CCDC18: variants seen among roughly 807,000 people sequenced by gnomAD.
CCDC18 encodes the protein coiled-coil domain-containing protein 18.
CCDC18 carries 157 observed loss-of-function variants against 196.0 expected under a neutral mutation model. The ratio of observed to expected loss-of-function variants is 0.80; its 90% CI spans 0.70 to 0.91. CCDC18 has a LOEUF of 0.91. Among genes scored for constraint, CCDC18 ranks in the 40% least tolerant of loss-of-function variants. CCDC18 has a pLI of 0.00. For missense variants in CCDC18, 1,465 were observed against 1,611.6 expected (o/e 0.91, Z 1.56); for synonymous variants, 482 against 529.2 (o/e 0.91, Z 1.22).
chr1:93,278,456 A>G lies in CCDC18; in HGVS notation c.4354-7A>G. 8.4e-7 allele frequency: 1 copy of G among 1,193,858 alleles called. No individual in the cohort carries two copies. Among genetic ancestry groups the G allele is most frequent in the Non-Finnish European group, 1.2e-6 (1 of 868,466 alleles). The allele number at this position is 1,193,858 out of a possible 1,614,324, so 74.0% of individuals were successfully genotyped here. A position where few individuals can be genotyped will look rare whatever the true frequency, so the allele number is the denominator to read the frequency against. On this transcript the variant is annotated splice_polypyrimidine_tract_variant and splice_region_variant and intron_variant, in intron 28 of 28. Transcript: ENST00000690025. ...AAATATTAATCTATTATTTTGCATT[A>G]TTCTAGGGAGAAAATGTGTAATTCA... is the stretch of plus-strand genomic sequence containing the variant.
At chr1:93,212,420 AC>A (rs1411316708) in intron 11 of CCDC18, among the ~76,000 whole-genome samples, 159 bp downstream of exon 11, 1 of 152,012 alleles carries the variant, frequency 6.6e-6, no homozygotes, top group Non-Finnish European at 1.5e-5. Context: ...GGTTTGTTTT[AC>A]AGATTATTTC....
At chr1:93,227,379 G>C (rs889516902) in intron 17 of CCDC18, among the ~76,000 whole-genome samples, 1 of 151,138 alleles carries the variant, frequency 6.6e-6, no homozygotes, top group East Asian at 1.9e-4. Context: ...TGTTGCCCAG[G>C]CTGGTCACAA....
intron 11 of CCDC18, among the ~76,000 whole-genome samples, chr1:93,212,694 T>C (rs1655848672): frequency 6.6e-6 from 1 of 152,236 alleles, no homozygotes; most frequent in Non-Finnish European, 1.5e-5. Flanking sequence ...CATTCGTTAA[T>C]GAAGTAAAAT....
rs528208520 is a variant in CCDC18, at chr1:93,203,248, G to A, written c.795+1260G>A. Among the ~76,000 whole-genome samples the A allele has an allele frequency of 2.0e-5, 3 of 152,272 alleles. No individual in the cohort carries two copies. The South Asian group carries it at 6.2e-4, about 32-fold the overall frequency. On this transcript the variant is annotated intron_variant, in intron 7 of 28. Transcript: ENST00000690025. ...GAAAGAAGAATATAGGATATTTTTA[G>A]GTTGCTGGTTTGAGTGACTGCTGGA...
intron 26 of CCDC18, among the ~76,000 whole-genome samples, chr1:93,259,463 A>C (rs1663474201): frequency 6.6e-6 from 1 of 152,196 alleles, no homozygotes. Flanking sequence ...ATATTACCCA[A>C]AATCTCTGTA....
intron 21 of CCDC18, 88 bp from the exon 22 acceptor site, chr1:93,246,017 T>A: frequency 1.3e-6 from 1 of 752,486 alleles, no homozygotes; most frequent in Non-Finnish European, 2.1e-6. Context: ...GCTTTTAATT[T>A]ATAGAAGAGG....
chr1:93,264,667 A>ATTTTTT (rs746113534), intron 26 of CCDC18, 34 bp from the exon 27 acceptor site: 5 of 1,320,036 alleles, frequency 3.8e-6, no homozygotes, highest in South Asian at 1.3e-5. Context: ...CCATTTTTTT[A>ATTTTTT]TTTTTTTTCT....
At chr1:93,202,884 G>C (rs1196118302) in intron 7 of CCDC18, among the ~76,000 whole-genome samples, 5 of 152,154 alleles carry the variant, frequency 3.3e-5, no homozygotes, top group African/African-American at 1.2e-4. Flanking sequence ...GGTGTGGTAG[G>C]GTGGGTGAAG....
At chr1:93,253,992 T>A (rs1006781666) in intron 23 of CCDC18, among the ~76,000 whole-genome samples, 1 of 152,192 alleles carries the variant, frequency 6.6e-6, no homozygotes, top group African/African-American at 2.4e-5. Context: ...TATTTTATTT[T>A]AAATTAACAG....
At chr1:93,183,772 CTT>C (rs1307789629) in intron 2 of CCDC18, among the ~76,000 whole-genome samples, 2 of 150,866 alleles carry the variant, frequency 1.3e-5, no homozygotes, top group Non-Finnish European at 2.9e-5. Context: ...CTTAAGTAAT[CTT>C]AGCGTAGAGG....
At chr1:93,190,884 CT>C in intron 4 of CCDC18, 1 of 733,410 alleles carries the variant, frequency 1.4e-6, no homozygotes, top group African/African-American at 1.7e-5. Context: ...TAGTTTCAGC[CT>C]TTTTCTGGAA....
At chr1:93,228,109 A>C (rs990635701) in intron 17 of CCDC18, among the ~76,000 whole-genome samples, 1 of 151,946 alleles carries the variant, frequency 6.6e-6, no homozygotes, top group Non-Finnish European at 1.5e-5. Context: ...TTAGATACAC[A>C]GGTGATGAAA....
At chr1:93,215,045 T>G in intron 12 of CCDC18, 79 bp downstream of exon 12, 1 of 890,392 alleles carries the variant, frequency 1.1e-6, no homozygotes, top group Non-Finnish European at 1.7e-6. Context: ...TTTATAAAAA[T>G]TATATGTTTA....
chr1:93,188,832 T>G (rs1651191975), intron 4 of CCDC18, among the ~76,000 whole-genome samples: 2 of 152,214 alleles, frequency 1.3e-5, no homozygotes, highest in South Asian at 4.1e-4. Context: ...TTTCTTAATT[T>G]TTATTTTTAA....
intron 18 of CCDC18, among the ~76,000 whole-genome samples, chr1:93,234,684 T>C (rs1420503482): frequency 6.6e-6 from 1 of 152,100 alleles, no homozygotes; most frequent in Non-Finnish European, 1.5e-5. Flanking sequence ...AAGAATTGAG[T>C]AGGTGGATTT....
chr1:93,239,328 G>A lies in CCDC18; in HGVS notation c.2622G>A (p.Met874Ile). 3 of 1,591,536 alleles carry A rather than the reference G, an allele frequency of 1.9e-6. No individual in the cohort carries two copies. Among genetic ancestry groups the A allele is most frequent in the Non-Finnish European group, 1.7e-6 (2 of 1,169,794 alleles). Reference protein sequence around the residue: ...TGTARQVKIEMDQYKEELSKM... With the variant: ...TGTARQVKIEIDQYKEELSKM... The stretch of plus-strand genomic sequence containing the variant: ...TAATTAGGCAAGTAAAGATTGAGAT[G>A]GATCAGTACAAAGAAGAGCTGTCTA... Residue 874 changes from methionine to isoleucine, a missense_variant, in exon 20 of 29, where the codon ATG (methionine) becomes ATA (isoleucine). Coordinates refer to ENST00000690025, the MANE Select transcript of CCDC18 (RefSeq NM_001378204.1).
chr1:93,276,085 A>C (rs1665606390), intron 28 of CCDC18, among the ~76,000 whole-genome samples: 1 of 152,246 alleles, frequency 6.6e-6, no homozygotes, highest in Non-Finnish European at 1.5e-5. Flanking sequence ...TGGGCTGTGC[A>C]GAGGGTATCA....
At chr1:93,207,476 C>A in intron 9 of CCDC18, 78 bp downstream of exon 9, 1 of 997,042 alleles carries the variant, frequency 1.0e-6, no homozygotes, top group Non-Finnish European at 1.4e-6. Context: ...TTTGTGGTTG[C>A]TTTATTAGCT....
intron 28 of CCDC18, among the ~76,000 whole-genome samples, chr1:93,276,856 GAC>G (rs1665650039): frequency 6.6e-6 from 1 of 151,056 alleles, no homozygotes; most frequent in Non-Finnish European, 1.5e-5. Context: ...AAAAGAAAAA[GAC>G]ACAGAGACAA....
Sources: gnomAD v4.1 joint callset for allele counts (sites outside exome capture counted in the v4.1 genomes callset) on GRCh38, gnomAD v4.1.1 for gene constraint, MANE v1.5 for transcripts, NCBI Gene and HGNC (gene_info 2026-07-23, HGNC 2026-07-21) for gene names.